The following CCSER1 variants were observed in gnomAD, a reference collection of about 807,000 sequenced individuals.
CCSER1 encodes the protein serine-rich coiled-coil domain-containing protein 1.
In CCSER1, 41 loss-of-function variants were observed where a neutral mutation model predicts 82.0. The ratio of observed to expected loss-of-function variants is 0.50; its 90% CI spans 0.39 to 0.65. The LOEUF (loss-of-function observed/expected upper bound fraction) is 0.65, where lower values mean the gene tolerates loss of function less well. CCSER1 is among the 30% of genes least tolerant of loss of function. The pLI is 0.00. For synonymous variants in CCSER1, 414 were observed against 383.9 expected (o/e 1.08, Z -0.92); for missense variants, 1,119 against 1,064.2 (o/e 1.05, Z -0.72).
At chr4:90,651,848 A>AACAACACAAGCTGTGTTGT (rs1728810174) in intron 6 of CCSER1, among the ~76,000 whole-genome samples, 1 of 152,014 alleles carries the variant, frequency 6.6e-6, no homozygotes. Flanking sequence ...TAAGCTTGAG[A>AACAACACAAGCTGTGTTGT]TTATTTAGCT....
chr4:91,580,572 T>C (rs2110311189), intron 10 of CCSER1, among the ~76,000 whole-genome samples: 1 of 151,918 alleles, frequency 6.6e-6, no homozygotes, highest in East Asian at 1.9e-4. Context: ...TTTGCATCAA[T>C]TGATGGTACC....
chr4:91,211,545 G>A (rs569018409), intron 10 of CCSER1, among the ~76,000 whole-genome samples: 50 of 152,038 alleles, frequency 3.3e-4, no homozygotes, highest in Non-Finnish European at 6.2e-4. Context: ...ATAGGACTAT[G>A]TCTTTTATAA....
chr4:90,693,916 GGAGA>G (rs200178268), intron 6 of CCSER1, among the ~76,000 whole-genome samples: 47 of 148,400 alleles, frequency 3.2e-4, no homozygotes, highest in Non-Finnish European at 6.2e-4. Flanking sequence ...AGAAAGAGGA[GGAGA>G]GAGAGAGGGG....
intron 5 of CCSER1, among the ~76,000 whole-genome samples, chr4:90,597,877 C>T (rs1783532307): frequency 6.6e-6 from 1 of 152,056 alleles, no homozygotes; most frequent in Non-Finnish European, 1.5e-5. Context: ...TTAGATTCCA[C>T]ATATAAATGC....
chr4:90,714,486 G>A (rs1256124546), intron 6 of CCSER1, among the ~76,000 whole-genome samples: 1 of 150,014 alleles, frequency 6.7e-6, no homozygotes, highest in Non-Finnish European at 1.5e-5. Flanking sequence ...TGAGGGATAT[G>A]AAGATTCAAG....
intron 10 of CCSER1, among the ~76,000 whole-genome samples, chr4:91,382,171 G>C (rs941754433): frequency 2.0e-5 from 3 of 152,080 alleles, no homozygotes; most frequent in Non-Finnish European, 1.5e-5. Context: ...CCTCTACTGG[G>C]GGGTTCCTCC....
intron 1 of CCSER1, among the ~76,000 whole-genome samples, chr4:90,220,233 C>G (rs1333082761): frequency 6.6e-6 from 1 of 152,200 alleles, no homozygotes; most frequent in South Asian, 2.1e-4. Flanking sequence ...ATAGATAGGA[C>G]TTGGTACTAT....
rs1356103131 is a variant in CCSER1 at position 90,127,478 on chromosome 4, G to C, written c.-395G>C. The C allele has an allele frequency of 6.5e-6, 1 of 152,762 alleles. No homozygotes were observed. Among genetic ancestry groups the C allele is most frequent in the African/African-American group, 2.4e-5 (1 of 41,578 alleles). The allele number at this position is 152,762 out of a possible 1,614,324, so 9.5% of individuals were successfully genotyped here. On this transcript the variant is annotated 5_prime_UTR_variant, in exon 1 of 11. Coordinates refer to ENST00000509176, the MANE Select transcript of CCSER1 (RefSeq NM_001145065.2). ...TCCGCGCACTCACACACTTGGAAGC[G>C]CCTCCCCACGTCCCTCCCCTGCCCT...
At chr4:90,630,868 GATTATT>G (rs71596533) in intron 6 of CCSER1, among the ~76,000 whole-genome samples, 6,483 of 143,292 alleles carry the variant, frequency 0.045, 205 homozygotes, top group South Asian at 0.089. Flanking sequence ...TTTGTTCACA[GATTATT>G]ATTATTATTA....
intron 8 of CCSER1, among the ~76,000 whole-genome samples, chr4:90,819,684 C>T (rs1320135261): frequency 3.3e-5 from 5 of 151,948 alleles, no homozygotes; most frequent in African/African-American, 1.2e-4. Flanking sequence ...ATTTTATAGC[C>T]ACACTTCCAA....
chr4:90,949,202 G>A (rs6824300), intron 9 of CCSER1, among the ~76,000 whole-genome samples: 100,204 of 151,766 alleles, frequency 0.66, 33,366 homozygotes, highest in Non-Finnish European at 0.7. Context: ...ATTAATTTTT[G>A]TATGAAAAAG....
At chr4:91,566,061 T>C (rs923832431) in intron 10 of CCSER1, among the ~76,000 whole-genome samples, 1 of 152,018 alleles carries the variant, frequency 6.6e-6, no homozygotes, top group Non-Finnish European at 1.5e-5. Context: ...TGAGTTATGT[T>C]CCTTCAATAC....
intron 1 of CCSER1, among the ~76,000 whole-genome samples, chr4:90,251,333 A>G (rs60438266): frequency 0.045 from 6,808 of 151,874 alleles, 394 homozygotes; most frequent in African/African-American, 0.13. Context: ...AAGCATTTGG[A>G]TTTTTACCAG....
At chr4:91,327,192 G>A (rs1472016061) in intron 10 of CCSER1, among the ~76,000 whole-genome samples, 2 of 152,204 alleles carry the variant, frequency 1.3e-5, no homozygotes, top group Admixed American at 1.3e-4. Flanking sequence ...CCCTAGTAGA[G>A]TTTCTCCGTG....
At chr4:91,374,488 G>C (rs1750262988) in intron 10 of CCSER1, among the ~76,000 whole-genome samples, 1 of 152,172 alleles carries the variant, frequency 6.6e-6, no homozygotes, top group South Asian at 2.1e-4. Context: ...TTACAACAAA[G>C]ATACTGAATG....
chr4:90,555,415 T>A (rs566091701), intron 5 of CCSER1, among the ~76,000 whole-genome samples: 1 of 152,250 alleles, frequency 6.6e-6, no homozygotes, highest in East Asian at 1.9e-4. Context: ...AATATCTAAA[T>A]ATAATAAAAA....
intron 6 of CCSER1, among the ~76,000 whole-genome samples, chr4:90,645,025 T>G (rs1727272242): frequency 6.7e-6 from 1 of 149,842 alleles, no homozygotes; most frequent in Admixed American, 6.7e-5. Context: ...GAGGTTGCAG[T>G]GAGCCGAGAT....
intron 9 of CCSER1, among the ~76,000 whole-genome samples, chr4:91,047,439 A>C (rs1005223272): frequency 6.6e-6 from 1 of 152,122 alleles, no homozygotes; most frequent in Non-Finnish European, 1.5e-5. Context: ...ACAATAAAGA[A>C]GCCATATATC....
chr4:91,234,404 G>A (rs1407182720), intron 10 of CCSER1, among the ~76,000 whole-genome samples: 1 of 151,904 alleles, frequency 6.6e-6, no homozygotes, highest in Admixed American at 6.6e-5. Context: ...ATAAATCCTG[G>A]GGTCTGAGCA....
Sources: allele counts gnomAD v4.1 joint callset (sites outside exome capture counted in the v4.1 genomes callset), GRCh38; gene constraint gnomAD v4.1.1; transcripts MANE v1.5; gene names NCBI Gene and HGNC (gene_info 2026-07-23, HGNC 2026-07-21).